Variants in MEPCE observed in about 807,000 individuals in gnomAD.
MEPCE encodes 7SK snRNA methylphosphate capping enzyme.
MEPCE carries 9 observed loss-of-function variants against 52.3 expected under a neutral mutation model. That is an observed-to-expected ratio of 0.17 (90% CI 0.10 to 0.30). MEPCE has a LOEUF of 0.30. MEPCE is among the 10% of genes least tolerant of loss of function. The pLI is 1.00. For synonymous variants in MEPCE, 477 were observed against 401.6 expected (o/e 1.19, Z -2.25); for missense variants, 826 against 933.0 (o/e 0.89, Z 1.49).
rs1338768815 is a variant in MEPCE, at chr7:100,430,932, A to C, written c.914A>C (p.His305Pro). Residue 305 changes from histidine (H) to proline (P), a missense_variant, in exon 1 of 4, where the codon CAC becomes CCC. His to Pro is a moderately conservative substitution (Grantham distance 77, BLOSUM62 -2). Transcript: ENST00000310512. ...GAGGGCGCCTCACAGCAGCCGCGGCACAGGGGCCAGAACCGGGATGCCCCC... is the reference window on the plus strand; with the variant it reads ...GAGGGCGCCTCACAGCAGCCGCGGCCCAGGGGCCAGAACCGGGATGCCCCC... ...HGEGASQQPRHRGQNRDAPQP... is the reference protein window; with the variant it reads ...HGEGASQQPRPRGQNRDAPQP... The C allele has an allele frequency of 1.2e-6, 2 of 1,608,852 alleles. No homozygotes were observed. Among genetic ancestry groups the C allele is most frequent in the African/African-American group, 1.3e-5 (1 of 74,856 alleles).
chr7:100,429,951 C>T lies in MEPCE; in HGVS notation c.-68C>T. ...GGGAAAGGGGGGAAGGGAGCAGGGTCCAGGCAGGGGGGGTTAGGCCCCCTG... is the reference window on the plus strand; with the variant it reads ...GGGAAAGGGGGGAAGGGAGCAGGGTTCAGGCAGGGGGGGTTAGGCCCCCTG... On this transcript the variant is annotated 5_prime_UTR_variant, in exon 1 of 4. Transcript: ENST00000310512. 1 of 1,145,594 alleles carries T rather than the reference C, an allele frequency of 8.7e-7. No homozygotes were observed. Among genetic ancestry groups the T allele is most frequent in the Non-Finnish European group, 1.1e-6 (1 of 907,036 alleles). 71.0% of individuals were successfully genotyped at this position (1,145,594 alleles called of 1,614,324 possible).
rs1798567421 is a variant in MEPCE at position 100,430,117 on chromosome 7, A to G, written c.99A>G (p.Pro33=). 1.6e-6 allele frequency: 2 copies of G among 1,263,862 alleles called. No homozygotes were observed. The highest frequency in any genetic ancestry group is 6.3e-5 in the East Asian group (2 of 31,712). The allele number at this position is 1,263,862 out of a possible 1,614,324, so 78.3% of individuals were successfully genotyped here. A position where few individuals can be genotyped will look rare whatever the true frequency, so the allele number is the denominator to read the frequency against. ...ESGGGGGPTV[P]PHQEAASGEL... is the part of the protein sequence containing the mutation. The stretch of plus-strand genomic sequence containing the variant: ...GCGGAGGGGGCGGCCCCACGGTGCC[A>G]CCGCACCAAGAGGCCGCCTCTGGGG... The change falls in exon 1 of 4, where the codon CCA becomes CCG. Residue 33 remains proline, a synonymous_variant. Coordinates refer to ENST00000310512, the MANE Select transcript of MEPCE (RefSeq NM_019606.6).
intron 1 of MEPCE, among the ~76,000 whole-genome samples, chr7:100,432,701 T>C (rs552201436): frequency 6.6e-6 from 1 of 152,208 alleles, no homozygotes; most frequent in African/African-American, 2.4e-5. Flanking sequence ...CGTCGACCTT[T>C]TTTGGCTTAC....
Position 100,433,450 on chromosome 7 carries a change from G to A in MEPCE, c.2018-52G>A, listed in dbSNP as rs1798781783. 1.9e-5 allele frequency: 31 copies of A among 1,614,040 alleles called. No homozygotes were observed. In the South Asian group the frequency reaches 3.3e-4, roughly 17 times the overall value. ...TGGCTGAAAGAGTGCAGACCCCCATGGGGATTCTTGAGGTGCTGCCAACCC... is the reference window on the plus strand; with the variant it reads ...TGGCTGAAAGAGTGCAGACCCCCATAGGGATTCTTGAGGTGCTGCCAACCC... On this transcript the variant is annotated intron_variant, in intron 3 of 3. Coordinates refer to ENST00000310512, the MANE Select transcript of MEPCE (RefSeq NM_019606.6).
At position 100,430,372 on chromosome 7, in the gene MEPCE, AG is replaced by A; in HGVS notation, c.359del (p.Gly120AlafsTer36). 1.4e-6 allele frequency: 2 copies of A among 1,443,562 alleles called. No homozygotes were observed. Among genetic ancestry groups the A allele is most frequent in the Non-Finnish European group, 9.1e-7 (1 of 1,100,478 alleles). 89.4% of individuals were successfully genotyped at this position (1,443,562 alleles called of 1,614,324 possible). ...PPDVGEERRG[G>X]GGTELGPPAP... ...CGGACGTGGGGGAGGAGCGCCGGGGAGGGGGCGGGACAGAGCTGGGTCCCCC... is the reference window on the plus strand; with the variant it reads ...CGGACGTGGGGGAGGAGCGCCGGGGAGGGGCGGGACAGAGCTGGGTCCCCC... On this transcript the variant is annotated frameshift_variant, in exon 1 of 4. Coordinates refer to ENST00000310512, the MANE Select transcript of MEPCE (RefSeq NM_019606.6). LOFTEE classifies it high-confidence loss of function.
chr7:100,431,082 C>G lies in MEPCE; in HGVS notation c.1064C>G (p.Pro355Arg). 5.0e-6 allele frequency: 8 copies of G among 1,613,804 alleles called. No individual in the cohort carries two copies. Among genetic ancestry groups the G allele is most frequent in the Non-Finnish European group, 6.8e-6 (8 of 1,180,036 alleles). ...CCAGCTGCCTCAGTTATCTCTGCAC[C>G]CCCATCTTCCTCCTCCCGACATCGC... ...APPAASVISA[P>R]PSSSSRHRKR... is the part of the protein sequence containing the mutation. Residue 355 changes from proline to arginine, a missense_variant, in exon 1 of 4, where the codon CCC becomes CGC. Around this residue, in one of 7 missense-constraint regions of MEPCE, gnomAD observed 307 missense variants for 292.1 expected, o/e 1.05. Coordinates refer to ENST00000310512, the MANE Select transcript of MEPCE (RefSeq NM_019606.6).
rs1444430805 is a variant in MEPCE, at chr7:100,430,039, G to A, written c.21G>A (p.Glu7=). 2 of 1,272,086 alleles carry A rather than the reference G, an allele frequency of 1.6e-6. No individual in the cohort carries two copies. The highest frequency in any genetic ancestry group is 2.0e-6 in the Non-Finnish European group (2 of 1,009,630). 78.8% of individuals were successfully genotyped at this position (1,272,086 alleles called of 1,614,324 possible). MIEMAA[E]KEPFLVPAPP... ...AGGAAATGATCGAGATGGCGGCGGA[G>A]AAGGAGCCGTTTCTGGTGCCGGCCC... is the stretch of plus-strand genomic sequence containing the variant. The change falls in exon 1 of 4, where the codon GAG becomes GAA. Residue 7 remains glutamate, a synonymous_variant. Transcript: ENST00000310512.
Position 100,429,992 on chromosome 7 carries a change from C to G in MEPCE, c.-27C>G. 8.0e-7 allele frequency: 1 copy of G among 1,246,120 alleles called. No homozygotes were observed. The highest frequency in any genetic ancestry group is 1.0e-6 in the Non-Finnish European group (1 of 994,494). 77.2% of individuals were successfully genotyped at this position (1,246,120 alleles called of 1,614,324 possible). The stretch of plus-strand genomic sequence containing the variant: ...AGGCCCCCTGATCCCCCTCGTTACC[C>G]CGACTGGCACGGAATAAGGGGAGGA... On this transcript the variant is annotated 5_prime_UTR_variant, in exon 1 of 4. Coordinates refer to ENST00000310512, the MANE Select transcript of MEPCE (RefSeq NM_019606.6).
rs746368257 is a variant in MEPCE, at chr7:100,431,706, G to A, written c.1671+17G>A. On this transcript the variant is annotated intron_variant, in intron 1 of 3. Transcript: ENST00000310512. ...TTCGTCACGGTAAGAGGGTCCAGAG[G>A]CTCTTGGAATAGGGGCCAGGTGTGA... The A allele has an allele frequency of 3.2e-6, 5 of 1,558,722 alleles. No individual in the cohort carries two copies. In the South Asian group the frequency reaches 4.6e-5, roughly 14 times the overall value.
Position 100,431,203 on chromosome 7 carries a change from C to G in MEPCE, c.1185C>G (p.His395Gln). The G allele has an allele frequency of 6.2e-7, 1 of 1,613,772 alleles. No individual in the cohort carries two copies. Reference protein sequence around the residue: ...EKGRGSWGGRHHHHHPLPAAG... With the variant: ...EKGRGSWGGRQHHHHPLPAAG... ...GCCGAGGGAGTTGGGGAGGCCGCCA[C>G]CACCACCACCACCCACTGCCTGCAG... is the stretch of plus-strand genomic sequence containing the variant. The change falls in exon 1 of 4, where the codon CAC (histidine) becomes CAG (glutamine). Residue 395 changes from histidine (H) to glutamine (Q), a missense_variant. This residue lies in a region of MEPCE where 307 missense variants were observed against 292.1 expected (regional missense o/e 1.05). Coordinates refer to ENST00000310512, the MANE Select transcript of MEPCE (RefSeq NM_019606.6).
chr7:100,430,354 G>T lies in MEPCE; in HGVS notation c.336G>T (p.Val112=), dbSNP rs1356491390. ...DPPGRAAPPD[V]GEERRGGGGT... is the part of the protein sequence containing the mutation. ...CGGGGCGAGCCGCTCCCCCGGACGT[G>T]GGGGAGGAGCGCCGGGGAGGGGGCG... is the stretch of plus-strand genomic sequence containing the variant. The change falls in exon 1 of 4, where the codon GTG becomes GTT. Residue 112 remains valine (V), a synonymous_variant. Transcript: ENST00000310512. 4 of 1,434,164 alleles carry T rather than the reference G, an allele frequency of 2.8e-6. No homozygotes were observed. In the South Asian group the frequency reaches 5.8e-5, roughly 21 times the overall value. 88.8% of individuals were successfully genotyped at this position (1,434,164 alleles called of 1,614,324 possible). A position where few individuals can be genotyped will look rare whatever the true frequency, so the allele number is the denominator to read the frequency against.
chr7:100,429,976 G>T lies in MEPCE; in HGVS notation c.-43G>T. ...CCAGGCAGGGGGGGTTAGGCCCCCT[G>T]ATCCCCCTCGTTACCCCGACTGGCA... is the stretch of plus-strand genomic sequence containing the variant. On this transcript the variant is annotated 5_prime_UTR_variant, in exon 1 of 4. Coordinates refer to ENST00000310512, the MANE Select transcript of MEPCE (RefSeq NM_019606.6). 8.1e-7 allele frequency: 1 copy of T among 1,228,180 alleles called. No individual in the cohort carries two copies. The highest frequency in any genetic ancestry group is 3.7e-5 in the South Asian group (1 of 27,256). 76.1% of individuals were successfully genotyped at this position (1,228,180 alleles called of 1,614,324 possible).
chr7:100,429,582 G>A (rs1798441745), upstream of MEPCE: 1 of 158,878 alleles, frequency 6.3e-6, no homozygotes, highest in Admixed American at 6.5e-5. Context: ...AGGGAAGTAG[G>A]GTGTCAGTTT....
rs1348991808 is a variant in MEPCE at position 100,430,492 on chromosome 7, C to T, written c.474C>T (p.Gly158=). 2.5e-6 allele frequency: 4 copies of T among 1,573,094 alleles called. No individual in the cohort carries two copies. Among genetic ancestry groups the T allele is most frequent in the South Asian group, 1.1e-5 (1 of 87,006 alleles). Residue 158 remains glycine, a synonymous_variant, in exon 1 of 4, where the codon GGC becomes GGT. Coordinates refer to ENST00000310512, the MANE Select transcript of MEPCE (RefSeq NM_019606.6). ...GAAATAGCTGTAATGTAGGGGGAGG[C>T]GGGGGAGGCTTCAAACATCCGGCCT... is the stretch of plus-strand genomic sequence containing the variant. The part of the protein sequence containing the change: ...KRRNSCNVGG[G]GGGFKHPAFK...
upstream of MEPCE, chr7:100,428,946 C>G (rs1798295852): frequency 6.6e-6 from 1 of 152,384 alleles, no homozygotes; most frequent in African/African-American, 2.4e-5. Flanking sequence ...CAGAGAACGA[C>G]TCAGCCGTTT....
Position 100,432,921 on chromosome 7 carries a change from T to C in MEPCE, c.1674T>C (p.Gly558=), listed in dbSNP as rs78298168. ...VFPNNVVFVT[G]NYVLDRDDLV... is the part of the protein sequence containing the mutation. ...TCACTGCCGATTCTTGCCCTCAGGGTAATTATGTGCTGGATCGAGATGACC... is the reference window on the plus strand; with the variant it reads ...TCACTGCCGATTCTTGCCCTCAGGGCAATTATGTGCTGGATCGAGATGACC... The change falls in exon 2 of 4, where the codon GGT becomes GGC. Residue 558 remains glycine (G), a splice_region_variant and synonymous_variant. Coordinates refer to ENST00000310512, the MANE Select transcript of MEPCE (RefSeq NM_019606.6). The C allele has an allele frequency of 1.2e-5, 20 of 1,613,748 alleles. No individual in the cohort carries two copies. Among genetic ancestry groups the C allele is most frequent in the Non-Finnish European group, 1.6e-5 (19 of 1,179,842 alleles).
rs941617458 is a variant in MEPCE at position 100,433,912 on chromosome 7, C to T, written c.*358C>T. ...CCCAAGGAGAGAGATTCCCATTTCT[C>T]CTCGGCCATTGTACCTAGCTCTTGT... On this transcript the variant is annotated 3_prime_UTR_variant, in exon 4 of 4. Transcript: ENST00000310512. The T allele has an allele frequency of 2.3e-5, 6 of 262,602 alleles. No individual in the cohort carries two copies. Among genetic ancestry groups the T allele is most frequent in the Admixed American group, 2.0e-4 (4 of 19,918 alleles). 16.3% of individuals were successfully genotyped at this position (262,602 alleles called of 1,614,324 possible).
upstream of MEPCE, chr7:100,429,145 A>G (rs1269285159): frequency 1.3e-5 from 2 of 152,132 alleles, no homozygotes; most frequent in Non-Finnish European, 2.9e-5. Flanking sequence ...GCTTCTAAGA[A>G]GGTGGGCAGA....
Position 100,430,662 on chromosome 7 carries a change from A to C in MEPCE, c.644A>C (p.Lys215Thr). 1 of 1,613,794 alleles carries C rather than the reference A, an allele frequency of 6.2e-7. No individual in the cohort carries two copies. The change falls in exon 1 of 4, where the codon AAG becomes ACG. Residue 215 changes from lysine (K) to threonine (T), a missense_variant. By Grantham distance (78) the Lys-to-Thr change is moderately conservative (BLOSUM62 -1). This residue lies in a region of MEPCE where 307 missense variants were observed against 292.1 expected (regional missense o/e 1.05). Coordinates refer to ENST00000310512, the MANE Select transcript of MEPCE (RefSeq NM_019606.6). ...VSRTLNAETP[K>T]SSPLPAKGRD... The stretch of plus-strand genomic sequence containing the variant: ...CGCACTCTCAACGCGGAGACCCCTA[A>C]GTCATCCCCCCTTCCGGCCAAAGGG...
Sources: gnomAD v4.1 joint callset for allele counts (sites outside exome capture counted in the v4.1 genomes callset) on GRCh38, gnomAD v4.1.1 for gene constraint, gnomAD v4.1.1 regional missense constraint, MANE v1.5 for transcripts, NCBI Gene and HGNC (gene_info 2026-07-23, HGNC 2026-07-21) for gene names.